MAD1L1: variants seen among roughly 807,000 people sequenced by gnomAD.
MAD1L1 encodes mitotic spindle assembly checkpoint protein MAD1.
A neutral mutation model predicts 96.9 loss-of-function variants in MAD1L1; 95 were observed. The ratio of observed to expected loss-of-function variants is 0.98; its 90% CI spans 0.83 to 1.16. The LOEUF is 1.16. Ranked by LOEUF, MAD1L1 falls within the 50% of genes most tolerant of loss-of-function variation. MAD1L1 has a pLI of 0.00. For missense variants in MAD1L1, 1,007 were observed against 954.4 expected (o/e 1.06, Z -0.73); for synonymous variants, 473 against 396.6 (o/e 1.19, Z -2.29).
chr7:2,107,444 C>G (rs1192226908), intron 11 of MAD1L1: 2 of 152,524 alleles, frequency 1.3e-5, no homozygotes, highest in African/African-American at 2.4e-5. Context: ...CTTCCTGCTC[C>G]CCATCCCGAA....
At chr7:1,913,232 C>G (rs970299756) in intron 17 of MAD1L1, among the ~76,000 whole-genome samples, 1 of 152,138 alleles carries the variant, frequency 6.6e-6, no homozygotes, top group Non-Finnish European at 1.5e-5. Context: ...CACGGAACTG[C>G]TCCAGTAATT....
chr7:1,930,789 C>T (rs1789427029), intron 17 of MAD1L1, among the ~76,000 whole-genome samples: 1 of 151,950 alleles, frequency 6.6e-6, no homozygotes, highest in African/African-American at 2.4e-5. Context: ...ACGCGGCTCC[C>T]CCTTAAGCCA....
At chr7:2,094,085 G>T (rs1775600141) in intron 11 of MAD1L1, among the ~76,000 whole-genome samples, 1 of 152,232 alleles carries the variant, frequency 6.6e-6, no homozygotes, top group African/African-American at 2.4e-5. Context: ...CTGGTGAGTG[G>T]GGAGCCCGCT....
chr7:1,886,017 G>A lies in MAD1L1; in HGVS notation c.1998+12183C>T, dbSNP rs185614929. The stretch of plus-strand genomic sequence containing the variant: ...CCAGGTCCTACTGCCTCCACCCCAC[G>A]ACCGCCCCACCTGGGCCCTCACCAG... On this transcript the variant is annotated intron_variant, in intron 18 of 18. Coordinates refer to ENST00000265854, the MANE Select transcript of MAD1L1 (RefSeq NM_001013836.2). 1.5e-4 allele frequency among the ~76,000 whole-genome samples: 23 copies of A among 152,296 alleles called. No individual in the cohort carries two copies. The East Asian group carries it at 4.4e-3, about 29-fold the overall frequency.
At chr7:2,009,881 G>A (rs539975560) in intron 13 of MAD1L1, among the ~76,000 whole-genome samples, 68 of 152,234 alleles carry the variant, frequency 4.5e-4, no homozygotes, top group Admixed American at 1.2e-3. Flanking sequence ...TGGCACCGGC[G>A]TGTCACGGGG....
At position 2,014,539 on chromosome 7, in the gene MAD1L1, A is replaced by G. The variant is rs368623851; in HGVS notation, c.1322T>C (p.Met441Thr). ...LTRRMREAED[M>T]VQKVHSHSAE... ...GCTGTGGCTGTGCACCTTCTGCACC[A>G]TATCCTCAGCCTCCCGCATGCGCCG... is the stretch of plus-strand genomic sequence containing the variant. The change falls in exon 13 of 19, where the codon ATG becomes ACG. Residue 441 changes from methionine (M) to threonine (T), a missense_variant. Transcript: ENST00000265854. 4.4e-6 allele frequency: 7 copies of G among 1,609,082 alleles called. No homozygotes were observed. The highest frequency in any genetic ancestry group is 5.9e-6 in the Non-Finnish European group (7 of 1,179,564).
intron 18 of MAD1L1, among the ~76,000 whole-genome samples, chr7:1,853,199 C>T (rs1294244970): frequency 1.3e-5 from 2 of 152,180 alleles, no homozygotes; most frequent in African/African-American, 4.8e-5. Context: ...CTCAGTCCAC[C>T]ACCACCTTCT....
chr7:1,886,561 T>C (rs761676939), intron 18 of MAD1L1, among the ~76,000 whole-genome samples: 4 of 152,232 alleles, frequency 2.6e-5, no homozygotes, highest in Non-Finnish European at 4.4e-5. Context: ...AGGGCCCACC[T>C]GGGGCTCGCA....
intron 14 of MAD1L1, among the ~76,000 whole-genome samples, chr7:1,997,627 G>A (rs890094122): frequency 9.2e-5 from 14 of 152,394 alleles, no homozygotes; most frequent in South Asian, 4.1e-4. Context: ...TGTAACCCCC[G>A]GGAAGAAGCC....
chr7:2,165,824 G>A (rs549631775), intron 10 of MAD1L1, among the ~76,000 whole-genome samples: 3 of 152,242 alleles, frequency 2.0e-5, no homozygotes, highest in African/African-American at 7.2e-5. Flanking sequence ...GGGGCTTGGA[G>A]CAACATGGCC....
intron 18 of MAD1L1, among the ~76,000 whole-genome samples, chr7:1,836,031 T>C (rs78257471): frequency 1.3e-5 from 2 of 152,156 alleles, no homozygotes; most frequent in Non-Finnish European, 2.9e-5. Context: ...CTTTCTTTTT[T>C]CTTTTTTTAA....
intron 12 of MAD1L1, among the ~76,000 whole-genome samples, chr7:2,060,242 C>CTGAGATA (rs1784587862): frequency 6.7e-6 from 1 of 149,008 alleles, no homozygotes; most frequent in African/African-American, 2.5e-5. Context: ...TACGCCGATG[C>CTGAGATA]CGAGATACGC....
chr7:2,095,253 C>A (rs984047074), intron 11 of MAD1L1, among the ~76,000 whole-genome samples: 23 of 152,238 alleles, frequency 1.5e-4, no homozygotes, highest in African/African-American at 5.3e-4. Flanking sequence ...ACCATGTTAG[C>A]CGGGATGGTC....
chr7:2,229,878 G>C, intron 3 of MAD1L1, 106 bp downstream of exon 3: 1 of 1,220,864 alleles, frequency 8.2e-7, no homozygotes, highest in Non-Finnish European at 1.1e-6. Flanking sequence ...GCTGTCTCTA[G>C]GCTCTGCTAA....
At chr7:2,213,141 A>C in intron 10 of MAD1L1, 71 bp downstream of exon 10, 2 of 1,523,050 alleles carry the variant, frequency 1.3e-6, no homozygotes, top group Non-Finnish European at 1.8e-6. Flanking sequence ...GGTGAGCCGG[A>C]AGCAGGCTCT....
chr7:2,024,188 A>C (rs1227323679), intron 12 of MAD1L1, among the ~76,000 whole-genome samples: 1 of 152,096 alleles, frequency 6.6e-6, no homozygotes, highest in African/African-American at 2.4e-5. Flanking sequence ...CTAATCCTAT[A>C]GGCATCTAAA....
chr7:2,002,016 C>A, intron 14 of MAD1L1, 49 bp downstream of exon 14: 1 of 1,600,746 alleles, frequency 6.2e-7, no homozygotes, highest in Non-Finnish European at 8.5e-7. Flanking sequence ...CCTGCCCAGA[C>A]CCAGGGTCCA....
At chr7:2,134,652 C>T (rs942058523) in intron 11 of MAD1L1, among the ~76,000 whole-genome samples, 1 of 152,198 alleles carries the variant, frequency 6.6e-6, no homozygotes, top group Non-Finnish European at 1.5e-5. Context: ...GAAAAATCTG[C>T]CCATTTAAAC....
chr7:2,198,526 G>A (rs1056558691), intron 10 of MAD1L1, among the ~76,000 whole-genome samples: 4 of 152,232 alleles, frequency 2.6e-5, no homozygotes, highest in East Asian at 1.9e-4. Context: ...CAAGGAGCCC[G>A]TGATGGCCGT....
Sources: gnomAD v4.1 joint callset for allele counts (sites outside exome capture counted in the v4.1 genomes callset) on GRCh38, gnomAD v4.1.1 for gene constraint, MANE v1.5 for transcripts, NCBI Gene and HGNC (gene_info 2026-07-23, HGNC 2026-07-21) for gene names.